The following PTPRR variants were observed in gnomAD, a reference collection of about 807,000 sequenced individuals.
PTPRR encodes receptor-type tyrosine-protein phosphatase R.
A neutral mutation model predicts 77.2 loss-of-function variants in PTPRR; 38 were observed. That is an observed-to-expected ratio of 0.49 (90% CI 0.38 to 0.65). PTPRR has a LOEUF of 0.65. Ranked by LOEUF, PTPRR falls within the 30% of genes least tolerant of loss-of-function variation. The pLI, the probability that PTPRR is intolerant of heterozygous loss-of-function variation, is 0.00. For synonymous variants in PTPRR, 299 were observed against 283.1 expected (o/e 1.06, Z -0.57); for missense variants, 744 against 799.2 (o/e 0.93, Z 0.83).
At chr12:70,691,026 A>G (rs1337093423) in intron 8 of PTPRR, among the ~76,000 whole-genome samples, 1 of 152,180 alleles carries the variant, frequency 6.6e-6, no homozygotes, top group East Asian at 1.9e-4. Flanking sequence ...TATTTTTTAA[A>G]AAAAGGTCAG....
At chr12:70,893,648 G>C (rs554803563) in intron 1 of PTPRR, among the ~76,000 whole-genome samples, 1 of 152,044 alleles carries the variant, frequency 6.6e-6, no homozygotes, top group Non-Finnish European at 1.5e-5. Context: ...ACAGATGTTA[G>C]CAGAGATGTG....
chr12:70,800,930 CT>C (rs1891604507), intron 2 of PTPRR, among the ~76,000 whole-genome samples: 1 of 151,754 alleles, frequency 6.6e-6, no homozygotes, highest in Non-Finnish European at 1.5e-5. Flanking sequence ...ATGACTTTTC[CT>C]AAGGCCACAT....
chr12:70,752,588 G>C (rs538216291), intron 5 of PTPRR, among the ~76,000 whole-genome samples: 34 of 152,204 alleles, frequency 2.2e-4, no homozygotes, highest in Admixed American at 2.1e-3. Flanking sequence ...CTGCCCTTTA[G>C]TACTCAAAGG....
intron 8 of PTPRR, among the ~76,000 whole-genome samples, chr12:70,695,138 ATC>A (rs1888188540): frequency 6.6e-6 from 1 of 152,160 alleles, no homozygotes; most frequent in Admixed American, 6.6e-5. Context: ...CTATCCATAT[ATC>A]TGTTGCAAGG....
At chr12:70,762,876 T>C (rs933659925) in intron 3 of PTPRR, among the ~76,000 whole-genome samples, 1 of 152,206 alleles carries the variant, frequency 6.6e-6, no homozygotes, top group Non-Finnish European at 1.5e-5. Context: ...TTATAATAAC[T>C]ACTTTGAACC....
At chr12:70,878,890 G>A (rs549667047) in intron 2 of PTPRR, among the ~76,000 whole-genome samples, 3 of 152,214 alleles carry the variant, frequency 2.0e-5, no homozygotes, top group South Asian at 4.1e-4. Context: ...AGAAAATATG[G>A]CACATAATAC....
intron 2 of PTPRR, among the ~76,000 whole-genome samples, chr12:70,878,254 T>C (rs1420776205): frequency 6.6e-6 from 1 of 151,916 alleles, no homozygotes; most frequent in Non-Finnish European, 1.5e-5. Context: ...ACAAATGGGA[T>C]CTAATTAAAC....
intron 2 of PTPRR, among the ~76,000 whole-genome samples, chr12:70,833,111 T>C (rs1892243196): frequency 6.6e-6 from 1 of 151,960 alleles, no homozygotes; most frequent in Non-Finnish European, 1.5e-5. Context: ...CCTCCAACAC[T>C]GGGGATCACA....
intron 6 of PTPRR, among the ~76,000 whole-genome samples, chr12:70,726,306 T>A (rs1461676572): frequency 6.6e-6 from 1 of 152,118 alleles, no homozygotes; most frequent in Non-Finnish European, 1.5e-5. Context: ...CCTAGAAATG[T>A]ATGTACAGTG....
At position 70,920,494 on chromosome 12, in the gene PTPRR, TCAGGTCCTC is replaced by T; in HGVS notation, c.-113_-105del. On this transcript the variant is annotated 5_prime_UTR_variant, in exon 1 of 14. Coordinates refer to ENST00000283228, the MANE Select transcript of PTPRR (RefSeq NM_002849.4). ...CCAAGGGTCTTCTAGTCTCCGGGATTCAGGTCCTCGGCTGGGGTTTGCAGAGCAGTCAGT... is the reference window on the plus strand; with the variant it reads ...CCAAGGGTCTTCTAGTCTCCGGGATTGGCTGGGGTTTGCAGAGCAGTCAGT... 8.8e-7 allele frequency: 1 copy of T among 1,142,396 alleles called. No homozygotes were observed. The highest frequency in any genetic ancestry group is 1.3e-6 in the Non-Finnish European group (1 of 787,902). The allele number at this position is 1,142,396 out of a possible 1,614,324, so 70.8% of individuals were successfully genotyped here. A position where few individuals can be genotyped will look rare whatever the true frequency, so the allele number is the denominator to read the frequency against.
intron 2 of PTPRR, among the ~76,000 whole-genome samples, chr12:70,866,249 G>A (rs1892843775): frequency 6.6e-6 from 1 of 152,222 alleles, no homozygotes; most frequent in South Asian, 2.1e-4. Flanking sequence ...TCCAGGAGGT[G>A]GTTTTGTGAA....
chr12:70,684,645 T>G, intron 9 of PTPRR, 59 bp downstream of exon 9: 1 of 1,210,684 alleles, frequency 8.3e-7, no homozygotes, highest in Non-Finnish European at 1.2e-6. Context: ...AAAAAGAAAA[T>G]AAAACCAACA....
chr12:70,667,369 A>C (rs750280181), intron 10 of PTPRR, among the ~76,000 whole-genome samples: 6 of 152,194 alleles, frequency 3.9e-5, no homozygotes, highest in Non-Finnish European at 7.3e-5. Context: ...TAGATTTGGA[A>C]TATATGCATG....
intron 2 of PTPRR, among the ~76,000 whole-genome samples, chr12:70,819,926 A>G (rs763407527): frequency 5.3e-5 from 8 of 152,190 alleles, no homozygotes; most frequent in Non-Finnish European, 1.0e-4. Context: ...AATTATGACA[A>G]TCTAATTTTA....
chr12:70,834,878 T>C (rs1277591924), intron 2 of PTPRR, among the ~76,000 whole-genome samples: 1 of 152,196 alleles, frequency 6.6e-6, no homozygotes, highest in African/African-American at 2.4e-5. Flanking sequence ...AAGTAGTTGA[T>C]GCTCAAAGTT....
chr12:70,705,311 C>T (rs1389391956), intron 6 of PTPRR, among the ~76,000 whole-genome samples: 1 of 151,982 alleles, frequency 6.6e-6, no homozygotes, highest in Non-Finnish European at 1.5e-5. Context: ...AGAAACCAGG[C>T]ATTTATTTTC....
At chr12:70,772,932 T>C (rs968645742) in intron 2 of PTPRR, among the ~76,000 whole-genome samples, 4 of 152,152 alleles carry the variant, frequency 2.6e-5, no homozygotes, top group Admixed American at 6.5e-5. Context: ...AGGCTGGAAG[T>C]CTGAATCAAA....
chr12:70,912,263 C>T (rs1893711220), intron 1 of PTPRR, among the ~76,000 whole-genome samples: 1 of 152,132 alleles, frequency 6.6e-6, no homozygotes, highest in Admixed American at 6.5e-5. Context: ...TTCCTTTTCT[C>T]TCCAGTATGC....
At chr12:70,844,181 A>T (rs868803317) in intron 2 of PTPRR, among the ~76,000 whole-genome samples, 12 of 152,212 alleles carry the variant, frequency 7.9e-5, no homozygotes, top group Non-Finnish European at 1.6e-4. Context: ...TTATAAAATT[A>T]TTAAAGGACT....
Sources: allele counts gnomAD v4.1 joint callset (sites outside exome capture counted in the v4.1 genomes callset), GRCh38; gene constraint gnomAD v4.1.1; transcripts MANE v1.5; gene names NCBI Gene and HGNC (gene_info 2026-07-23, HGNC 2026-07-21).